Variants in ATG7 observed in about 807,000 individuals in gnomAD.
ATG7 encodes the protein ubiquitin-like modifier-activating enzyme ATG7.
ATG7 carries 70 observed loss-of-function variants against 82.4 expected under a neutral mutation model. The observed-to-expected ratio is 0.85, with a 90% CI of 0.70 to 1.04. The LOEUF is 1.04. Ranked by LOEUF, ATG7 falls within the 50% of genes least tolerant of loss-of-function variation. The pLI is 0.00. For synonymous variants in ATG7, 287 were observed against 313.0 expected (o/e 0.92, Z 0.88); for missense variants, 792 against 864.3 (o/e 0.92, Z 1.05).
At chr3:11,333,181 C>A (rs1951895937) in intron 11 of ATG7, 88 bp downstream of exon 11, 1 of 1,408,780 alleles carries the variant, frequency 7.1e-7, no homozygotes, top group Non-Finnish European at 9.3e-7. Flanking sequence ...GTCACAATGG[C>A]AGAAGAAAGG....
intron 20 of ATG7, among the ~76,000 whole-genome samples, chr3:11,551,827 C>T (rs1183504516): frequency 3.9e-5 from 6 of 152,124 alleles, no homozygotes; most frequent in Admixed American, 3.9e-4. Flanking sequence ...CAGCTCACTA[C>T]AACTTCTACC....
At chr3:11,329,935 T>C (rs1951411184) in intron 9 of ATG7, among the ~76,000 whole-genome samples, 1 of 152,232 alleles carries the variant, frequency 6.6e-6, no homozygotes, top group African/African-American at 2.4e-5. Flanking sequence ...TTTCCTCTGA[T>C]CTGTAATTGC....
chr3:11,308,114 C>T (rs978893292), intron 6 of ATG7, among the ~76,000 whole-genome samples: 1 of 152,106 alleles, frequency 6.6e-6, no homozygotes, highest in Non-Finnish European at 1.5e-5. Flanking sequence ...AAACTGGGGG[C>T]CTCTCTTCAG....
chr3:11,273,861 G>C (rs1291363490), intron 1 of ATG7, among the ~76,000 whole-genome samples: 1 of 152,098 alleles, frequency 6.6e-6, no homozygotes, highest in South Asian at 2.1e-4. Context: ...GACAGTAATT[G>C]GGGGGAAGCA....
chr3:11,478,043 G>A (rs1574902572), intron 20 of ATG7, among the ~76,000 whole-genome samples: 1 of 152,164 alleles, frequency 6.6e-6, no homozygotes, highest in African/African-American at 2.4e-5. Context: ...TCCTGTTGCC[G>A]AGTAAATAGC....
At chr3:11,520,320 G>A (rs931075510) in intron 20 of ATG7, among the ~76,000 whole-genome samples, 1 of 152,184 alleles carries the variant, frequency 6.6e-6, no homozygotes, top group Non-Finnish European at 1.5e-5. Context: ...GAACTCAAAT[G>A]TCCGAAAGGC....
At chr3:11,421,459 A>G (rs1469150894) in intron 19 of ATG7, among the ~76,000 whole-genome samples, 2 of 152,214 alleles carry the variant, frequency 1.3e-5, no homozygotes, top group Admixed American at 6.5e-5. Context: ...GCTTACCTGT[A>G]AGAAGCAACT....
chr3:11,349,735 C>T (rs183539232), intron 14 of ATG7, among the ~76,000 whole-genome samples: 68 of 152,114 alleles, frequency 4.5e-4, no homozygotes, highest in Admixed American at 1.8e-3. Context: ...ATTTTTCCTC[C>T]ATCACCAGGA....
chr3:11,500,831 A>G (rs1411887611), intron 20 of ATG7, among the ~76,000 whole-genome samples: 1 of 152,218 alleles, frequency 6.6e-6, no homozygotes. Flanking sequence ...GGGTTTCACC[A>G]TGTTGGCCAA....
intron 11 of ATG7, among the ~76,000 whole-genome samples, chr3:11,333,782 C>G (rs1482211912): frequency 1.4e-5 from 2 of 147,854 alleles, no homozygotes; most frequent in South Asian, 4.3e-4. Flanking sequence ...GAGTCTCACT[C>G]TGTCGCCCAG....
Position 11,371,312 on chromosome 3 carries a change from C to T in ATG7, c.1875+6578C>T, listed in dbSNP as rs554511343. On this transcript the variant is annotated intron_variant, in intron 18 of 20. Coordinates refer to ENST00000693202, the MANE Select transcript of ATG7 (RefSeq NM_001349232.2). Reference sequence around the variant, plus strand: ...AGAAACAATGGCTGGGAAAGGTGCTCAGCGAGTTTGAGGAAGGGAAAGGCC... The same window carrying T: ...AGAAACAATGGCTGGGAAAGGTGCTTAGCGAGTTTGAGGAAGGGAAAGGCC... Among the ~76,000 whole-genome samples the T allele has an allele frequency of 2.0e-5, 3 of 151,082 alleles. 1 individual carries two copies. In the South Asian group the frequency reaches 6.3e-4, roughly 32 times the overall value.
intron 19 of ATG7, among the ~76,000 whole-genome samples, chr3:11,401,723 C>A (rs933982086): frequency 1.3e-5 from 2 of 152,162 alleles, no homozygotes; most frequent in Non-Finnish European, 2.9e-5. Flanking sequence ...GTTCTGCCTC[C>A]TACTAAATGG....
intron 18 of ATG7, among the ~76,000 whole-genome samples, chr3:11,365,542 C>T: frequency 6.6e-6 from 1 of 152,096 alleles, no homozygotes; most frequent in East Asian, 1.9e-4. Context: ...TATGTATCCT[C>T]TCCTGTAATG....
intron 20 of ATG7, among the ~76,000 whole-genome samples, chr3:11,447,615 A>G (rs2084697918): frequency 6.6e-6 from 1 of 152,038 alleles, no homozygotes; most frequent in African/African-American, 2.4e-5. Context: ...CTCTCTCACT[A>G]CCAACAAGTT....
At chr3:11,450,299 T>C (rs767399388) in intron 20 of ATG7, among the ~76,000 whole-genome samples, 17 of 152,190 alleles carry the variant, frequency 1.1e-4, no homozygotes, top group Non-Finnish European at 2.4e-4. Flanking sequence ...TACATATTAG[T>C]TGGGCCTGTG....
intron 9 of ATG7, 120 bp downstream of exon 9, chr3:11,315,613 T>TTTAAGAACA: frequency 1.1e-6 from 1 of 906,960 alleles, no homozygotes; most frequent in South Asian, 2.2e-5. Flanking sequence ...TCAAAGGATG[T>TTTAAGAACA]TTAAGAACAT....
chr3:11,483,057 C>T (rs2089200551), intron 20 of ATG7, among the ~76,000 whole-genome samples: 1 of 152,092 alleles, frequency 6.6e-6, no homozygotes, highest in South Asian at 2.1e-4. Flanking sequence ...AGTCCCACCT[C>T]TCCTATTTAA....
At chr3:11,571,861 C>T in the ATG7 span, among the ~76,000 whole-genome samples, 1 of 152,122 alleles carries the variant, frequency 6.6e-6, no homozygotes, top group African/African-American at 2.4e-5. Context: ...AATCTCATCA[C>T]TTTGGGAGGC....
At chr3:11,502,964 C>T (rs1405613721) in intron 20 of ATG7, among the ~76,000 whole-genome samples, 2 of 152,128 alleles carry the variant, frequency 1.3e-5, no homozygotes, top group African/African-American at 4.8e-5. Context: ...ATACACCAGC[C>T]AGAGTTGAAA....
Sources: gnomAD v4.1 joint callset for allele counts (sites outside exome capture counted in the v4.1 genomes callset) on GRCh38, gnomAD v4.1.1 for gene constraint, MANE v1.5 for transcripts, NCBI Gene and HGNC (gene_info 2026-07-23, HGNC 2026-07-21) for gene names.